Variants in SCD5 observed in about 807,000 individuals in gnomAD.
SCD5 encodes acyl-CoA-desaturase 4.
Under a neutral mutation model 30.4 loss-of-function variants are expected in SCD5, and 20 were observed. The observed-to-expected ratio is 0.66, with a 90% confidence interval of 0.46 to 0.96. The LOEUF is 0.96. Among genes scored for constraint, SCD5 ranks in the 40% least tolerant of loss-of-function variants. SCD5 has a pLI of 0.00. For missense variants in SCD5, 381 were observed against 443.3 expected, an observed-to-expected ratio of 0.86 and a Z score of 1.26; for synonymous variants, 173 against 176.4, an observed-to-expected ratio of 0.98 and a Z score of 0.16.
intron 3 of SCD5, among the ~76,000 whole-genome samples, chr4:82,643,562 G>A (rs6813051): frequency 6.6e-6 from 1 of 152,004 alleles, no homozygotes; most frequent in African/African-American, 2.4e-5. Flanking sequence ...CCAGGAGCTG[G>A]GGGTGAAGAG....
intron 3 of SCD5, among the ~76,000 whole-genome samples, 182 bp from the exon 4 acceptor site, chr4:82,637,005 G>A (rs1727447674): frequency 6.6e-6 from 1 of 152,142 alleles, no homozygotes; most frequent in African/African-American, 2.4e-5. Context: ...TACCTGCAAG[G>A]GCTAGGCAGG....
At chr4:82,702,791 C>T (rs1719881600) in intron 2 of SCD5, among the ~76,000 whole-genome samples, 1 of 152,174 alleles carries the variant, frequency 6.6e-6, no homozygotes, top group Non-Finnish European at 1.5e-5. Context: ...TTGTAAGTCA[C>T]CATCCTACAC....
chr4:82,656,251 TC>T (rs999965689), intron 3 of SCD5, among the ~76,000 whole-genome samples: 6 of 151,880 alleles, frequency 4.0e-5, no homozygotes, highest in Non-Finnish European at 7.4e-5. Flanking sequence ...TCCCTTAGCA[TC>T]CCCCCACAAC....
chr4:82,716,894 C>A (rs1162751527), intron 1 of SCD5, among the ~76,000 whole-genome samples: 1 of 151,682 alleles, frequency 6.6e-6, no homozygotes, highest in Non-Finnish European at 1.5e-5. Context: ...TGTACAGGCC[C>A]TTTTTTCCTG....
intron 1 of SCD5, among the ~76,000 whole-genome samples, chr4:82,746,667 A>C (rs1720988103): frequency 6.6e-6 from 1 of 152,112 alleles, no homozygotes; most frequent in Non-Finnish European, 1.5e-5. Context: ...CAAGAGACCA[A>C]AAGTTTTGAA....
intron 1 of SCD5, among the ~76,000 whole-genome samples, chr4:82,760,937 G>C (rs1420699553): frequency 3.3e-5 from 5 of 152,170 alleles, no homozygotes; most frequent in Non-Finnish European, 7.3e-5. Flanking sequence ...CACATAACAA[G>C]AGTGTGGGTG....
intron 3 of SCD5, among the ~76,000 whole-genome samples, chr4:82,652,986 T>C (rs1727787991): frequency 6.6e-6 from 1 of 152,096 alleles, no homozygotes; most frequent in Admixed American, 6.6e-5. Flanking sequence ...ACCCTGTCTC[T>C]ACTAAAAATA....
intron 3 of SCD5, among the ~76,000 whole-genome samples, chr4:82,668,774 T>C (rs1002543832): frequency 6.6e-6 from 1 of 152,098 alleles, no homozygotes; most frequent in Non-Finnish European, 1.5e-5. Context: ...CCCAGGGTAA[T>C]TGAGTAGTAA....
intron 1 of SCD5, among the ~76,000 whole-genome samples, chr4:82,731,600 A>C (rs1720644369): frequency 6.6e-6 from 1 of 152,222 alleles, no homozygotes; most frequent in African/African-American, 2.4e-5. Context: ...TTGCAGCCTA[A>C]AAGAAGCAGA....
chr4:82,741,118 T>C (rs1720863411), intron 1 of SCD5, among the ~76,000 whole-genome samples: 2 of 121,392 alleles, frequency 1.6e-5, no homozygotes, highest in East Asian at 2.2e-4. Flanking sequence ...TTTTTTTTTT[T>C]CGTAGAGACA....
chr4:82,721,701 A>G (rs573311020), intron 1 of SCD5, among the ~76,000 whole-genome samples: 1 of 152,334 alleles, frequency 6.6e-6, no homozygotes, highest in South Asian at 2.1e-4. Flanking sequence ...CTTCCCTCAC[A>G]GCCCTCAGAG....
intron 1 of SCD5, among the ~76,000 whole-genome samples, chr4:82,765,182 C>T (rs1425548859): frequency 6.6e-6 from 1 of 152,038 alleles, no homozygotes; most frequent in Non-Finnish European, 1.5e-5. Flanking sequence ...TGCATGTCTA[C>T]TGGAAATGAA....
At chr4:82,783,612 T>C (rs546051995) in intron 1 of SCD5, among the ~76,000 whole-genome samples, 119 of 152,242 alleles carry the variant, frequency 7.8e-4, no homozygotes, top group African/African-American at 2.5e-3. Context: ...GAGACCAGCC[T>C]GACCAACATG....
At chr4:82,705,992 T>C (rs1284104063) in intron 1 of SCD5, among the ~76,000 whole-genome samples, 1 of 152,258 alleles carries the variant, frequency 6.6e-6, no homozygotes, top group African/African-American at 2.4e-5. Context: ...CCTGAATACA[T>C]GTGGTTTTCA....
rs542584184 is a variant in SCD5 at position 82,695,076 on chromosome 4, C to T, written c.363+10207G>A. The stretch of plus-strand genomic sequence containing the variant: ...GGGGACAGCCATGTGGAGCACTCAG[C>T]CTTTAACTTGTGGGATCTGATGTTA... On this transcript the variant is annotated intron_variant, in intron 2 of 4. Transcript: ENST00000319540. Among the ~76,000 whole-genome samples the T allele has an allele frequency of 7.2e-5, 11 of 152,188 alleles. 1 individual carries two copies. Among genetic ancestry groups the T allele is most frequent in the Admixed American group, 5.9e-4 (9 of 15,288 alleles).
chr4:82,785,781 A>C (rs1166436738), intron 1 of SCD5, among the ~76,000 whole-genome samples: 1 of 152,150 alleles, frequency 6.6e-6, no homozygotes, highest in Admixed American at 6.5e-5. Flanking sequence ...CAAACAATGG[A>C]TGTGGGGGTG....
intron 1 of SCD5, among the ~76,000 whole-genome samples, chr4:82,792,994 A>G (rs2148854831): frequency 6.6e-6 from 1 of 152,296 alleles, no homozygotes; most frequent in East Asian, 1.9e-4. Flanking sequence ...ACTTGTTGGG[A>G]CTATTAGAGC....
At chr4:82,758,103 C>T (rs1284821785) in intron 1 of SCD5, among the ~76,000 whole-genome samples, 3 of 152,288 alleles carry the variant, frequency 2.0e-5, no homozygotes, top group South Asian at 4.1e-4. Context: ...ACTCTGGAGA[C>T]GTTCAGAGGA....
intron 1 of SCD5, among the ~76,000 whole-genome samples, chr4:82,723,378 G>A (rs1254398024): frequency 6.6e-6 from 1 of 152,236 alleles, no homozygotes; most frequent in East Asian, 1.9e-4. Flanking sequence ...TAAAAGACTT[G>A]TTTTTTCTTA....
Sources: gnomAD v4.1 joint callset for allele counts (sites outside exome capture counted in the v4.1 genomes callset) on GRCh38, gnomAD v4.1.1 for gene constraint, MANE v1.5 for transcripts, NCBI Gene and HGNC (gene_info 2026-07-23, HGNC 2026-07-21) for gene names.